RDH13: variants seen among roughly 807,000 people sequenced by gnomAD.
RDH13 encodes retinol dehydrogenase 13 (all-trans and 9-cis).
Under a neutral mutation model 28.3 loss-of-function variants are expected in RDH13, and 35 were observed. The ratio of observed to expected loss-of-function variants is 1.24; its 90% CI spans 0.95 to 1.64. The LOEUF (loss-of-function observed/expected upper bound fraction) is 1.64. Among genes scored for constraint, RDH13 ranks in the 40% most tolerant of loss-of-function variants. The pLI is 0.00. For missense variants in RDH13, 514 were observed against 446.3 expected, an observed-to-expected ratio of 1.15 and a Z score of -1.37; for synonymous variants, 229 against 198.5, an observed-to-expected ratio of 1.15 and a Z score of -1.29.
intron 1 of RDH13, among the ~76,000 whole-genome samples, chr19:55,060,938 C>T (rs1046923534): frequency 6.6e-6 from 1 of 152,130 alleles, no homozygotes; most frequent in Non-Finnish European, 1.5e-5. Context: ...TCCTCCAGTT[C>T]GGCAGGTCAA....
intron 1 of RDH13, 147 bp downstream of exon 1, chr19:55,062,821 C>T (rs2075846973): frequency 3.2e-6 from 2 of 626,312 alleles, no homozygotes; most frequent in South Asian, 6.2e-5. Flanking sequence ...GGCCAGAGCG[C>T]AGGTTTGCCC....
intron 3 of RDH13, among the ~76,000 whole-genome samples, chr19:55,051,450 G>A (rs1019522317): frequency 4.0e-5 from 6 of 151,154 alleles, no homozygotes; most frequent in African/African-American, 1.5e-4. Flanking sequence ...TTGAGATGAA[G>A]TCTCACTCTG....
At chr19:55,053,589 G>A (rs868669018) in intron 3 of RDH13, among the ~76,000 whole-genome samples, 89 of 151,936 alleles carry the variant, frequency 5.9e-4, no homozygotes, top group South Asian at 3.1e-3. Context: ...CCCGGGAGGC[G>A]GAGCTTGGAG....
chr19:55,045,415 C>T (rs898946765), intron 6 of RDH13, 106 bp from the exon 7 acceptor site: 1 of 799,944 alleles, frequency 1.3e-6, no homozygotes, highest in African/African-American at 1.7e-5. Context: ...CCACAGAGCC[C>T]TCCTCTAGCC....
intron 3 of RDH13, among the ~76,000 whole-genome samples, chr19:55,051,658 C>A (rs1178108683): frequency 6.6e-6 from 1 of 151,606 alleles, no homozygotes; most frequent in Admixed American, 6.6e-5. Context: ...TTGAATTCTT[C>A]ACCTCGTGAT....
intron 2 of RDH13, among the ~76,000 whole-genome samples, chr19:55,057,725 T>C (rs2075683971): frequency 6.6e-6 from 1 of 152,118 alleles, no homozygotes; most frequent in South Asian, 2.1e-4. Flanking sequence ...TAAGCCACAA[T>C]GCCCAGCCTC....
At chr19:55,065,386 AAAT>A (rs1419395083), upstream of RDH13, among the ~76,000 whole-genome samples, 1 of 151,522 alleles carries the variant, frequency 6.6e-6, no homozygotes, top group African/African-American at 2.4e-5. Context: ...CCCATCTCAA[AAAT>A]AATAATAATA....
At chr19:55,066,793 C>T (rs960338206), upstream of RDH13, among the ~76,000 whole-genome samples, 9 of 151,900 alleles carry the variant, frequency 5.9e-5, no homozygotes, top group African/African-American at 9.7e-5. Context: ...TCTTAAGAGG[C>T]CTCAGCAGTG....
intron 3 of RDH13, among the ~76,000 whole-genome samples, chr19:55,049,002 G>A (rs1297019425): frequency 6.6e-6 from 1 of 152,150 alleles, no homozygotes. Context: ...GCCATGTGTG[G>A]ACAGAGGCAA....
intron 3 of RDH13, among the ~76,000 whole-genome samples, chr19:55,053,498 T>C (rs2147033160): frequency 6.6e-6 from 1 of 151,158 alleles, no homozygotes; most frequent in South Asian, 2.1e-4. Flanking sequence ...TAGTAAAAAA[T>C]ATAAAAAATT....
chr19:55,040,371 G>A (rs1308020616), downstream of RDH13: 3 of 152,426 alleles, frequency 2.0e-5, no homozygotes, highest in African/African-American at 7.2e-5. Flanking sequence ...TGTTAGCCAG[G>A]ATGGTCTCGA....
chr19:55,058,166 C>A (rs559363081), intron 2 of RDH13, among the ~76,000 whole-genome samples: 1 of 152,002 alleles, frequency 6.6e-6, no homozygotes, highest in East Asian at 1.9e-4. Context: ...AATCCCAGCA[C>A]TTTGGGAGAC....
Position 55,063,061 on chromosome 19 carries a change from A to AGACGTCC in RDH13, c.-30_-29insGGACGTC. ...GGGCCGGGGACAGGCGTCAGGCGTCAGGGGTCGGCGCGGAGCTTGCTGCAC... is the reference window on the plus strand; with the variant it reads ...GGGCCGGGGACAGGCGTCAGGCGTCAGACGTCCGGGGTCGGCGCGGAGCTTGCTGCAC... On this transcript the variant is annotated 5_prime_UTR_variant, in exon 1 of 7. Transcript: ENST00000415061. The AGACGTCC allele has an allele frequency of 7.6e-7, 1 of 1,307,704 alleles. No homozygotes were observed. The highest frequency in any genetic ancestry group is 1.8e-5 in the South Asian group (1 of 54,316). The allele number at this position is 1,307,704 out of a possible 1,614,324, so 81.0% of individuals were successfully genotyped here.
chr19:55,050,793 A>G (rs1395841488), intron 3 of RDH13: 5 of 152,066 alleles, frequency 3.3e-5, no homozygotes, highest in African/African-American at 1.2e-4. Flanking sequence ...ATGCTCCCGA[A>G]GTGGTTTTCG....
rs765062090 is a variant in RDH13, at chr19:55,048,409, TTCC to T, written c.575_577del (p.Arg192del). ...GCAGTAGGCGGCTTTGGTGTTATAC[TTCC>T]TCGTCTGCCAGTTCAAGTCGTCAAA... On this transcript the variant is annotated inframe_deletion, in exon 5 of 7. Coordinates refer to ENST00000415061, the MANE Select transcript of RDH13 (RefSeq NM_001145971.2). 120 of 1,614,058 alleles carry T rather than the reference TTCC, an allele frequency of 7.4e-5. No homozygotes were observed. Among genetic ancestry groups the T allele is most frequent in the Non-Finnish European group, 9.1e-5 (107 of 1,180,042 alleles).
intron 3 of RDH13, among the ~76,000 whole-genome samples, chr19:55,056,450 C>A (rs963920050): frequency 6.9e-6 from 1 of 145,058 alleles, no homozygotes; most frequent in African/African-American, 2.6e-5. Flanking sequence ...GAGTGAGACT[C>A]CCTCTCAAAA....
upstream of RDH13, among the ~76,000 whole-genome samples, chr19:55,067,971 C>G (rs951877281): frequency 1.4e-5 from 2 of 147,568 alleles, no homozygotes; most frequent in African/African-American, 5.0e-5. Flanking sequence ...CGTGTCTCCT[C>G]TCTCTCTCTT....
chr19:55,069,162 C>T (rs1299421321), intron 1 of RDH13, among the ~76,000 whole-genome samples: 7 of 149,082 alleles, frequency 4.7e-5, no homozygotes, highest in African/African-American at 1.5e-4. Context: ...CACCCCGCCA[C>T]GATCCCTCCC....
At chr19:55,042,396 G>A (rs1043761918), downstream of RDH13, 5 of 152,190 alleles carry the variant, frequency 3.3e-5, no homozygotes, top group Admixed American at 2.6e-4. Flanking sequence ...CTTGGTTCAA[G>A]CAGTTCTTCT....
Sources: gnomAD v4.1 joint callset for allele counts (sites outside exome capture counted in the v4.1 genomes callset) on GRCh38, gnomAD v4.1.1 for gene constraint, MANE v1.5 for transcripts, NCBI Gene and HGNC (gene_info 2026-07-23, HGNC 2026-07-21) for gene names.